Variants in LIMK1 observed in about 807,000 individuals in gnomAD.
The protein encoded by LIMK1 is LIM motif-containing protein kinase.
Under a neutral mutation model 77.6 loss-of-function variants are expected in LIMK1, and 21 were observed. The ratio of observed to expected loss-of-function variants is 0.27; its 90% confidence interval spans 0.19 to 0.39. LIMK1 has a LOEUF of 0.39. Ranked by LOEUF, LIMK1 falls within the 10% of genes least tolerant of loss-of-function variation. LIMK1 has a pLI of 1.00. For synonymous variants in LIMK1, 358 were observed against 370.0 expected, an observed-to-expected ratio of 0.97 and a Z score of 0.37; for missense variants, 696 against 901.6, an observed-to-expected ratio of 0.77 and a Z score of 2.92.
At chr7:74,112,694 A>G (rs1407857855) in intron 12 of LIMK1, among the ~76,000 whole-genome samples, 16 of 152,074 alleles carry the variant, frequency 1.1e-4, no homozygotes, top group African/African-American at 3.6e-4. Flanking sequence ...GCGTGGTGGC[A>G]GGTGCCTGTA....
At chr7:74,086,459 A>G (rs1554694084) in intron 2 of LIMK1, among the ~76,000 whole-genome samples, 1 of 152,106 alleles carries the variant, frequency 6.6e-6, no homozygotes, top group Non-Finnish European at 1.5e-5. Context: ...TCCCGGGCTA[A>G]AGTGATCCTC....
chr7:74,115,988 C>T, intron 13 of LIMK1, 30 bp downstream of exon 13: 2 of 1,599,692 alleles, frequency 1.3e-6, no homozygotes, highest in Non-Finnish European at 1.7e-6. Context: ...CCATCATGGC[C>T]CTCACGGGAA....
chr7:74,111,813 T>A, intron 11 of LIMK1, 106 bp downstream of exon 11: 1 of 1,433,964 alleles, frequency 7.0e-7, no homozygotes, highest in South Asian at 1.2e-5. Flanking sequence ...GATGGGAGAG[T>A]GGGAAGAATC....
At position 74,112,866 on chromosome 7, in the gene LIMK1, G is replaced by A. The variant is rs141136219; in HGVS notation, c.1410+868G>A. Among the ~76,000 whole-genome samples, 14 of 152,034 alleles carry A rather than the reference G, an allele frequency of 9.2e-5. No individual in the cohort carries two copies. The East Asian group carries it at 2.5e-3, about 27-fold the overall frequency. ...GGCTTTAGGTGGATATTTAAGCAGG[G>A]GACGGGCAGGCAAAGAGCCCAGTGT... On this transcript the variant is annotated intron_variant, in intron 12 of 15. Transcript: ENST00000336180.
rs143309207 is a variant in LIMK1, at chr7:74,107,264, A to G, written c.1065+71A>G. ...CTCCATCCTCCTTCCTTCCCAGTCT[A>G]TGGAAACACAGTGGAAGGGGTATCT... On this transcript the variant is annotated intron_variant, in intron 8 of 15. Transcript: ENST00000336180. 3.5e-4 allele frequency: 516 copies of G among 1,471,368 alleles called. 6 individuals are homozygous for G. In the East Asian group the frequency reaches 9.1e-3, roughly 26 times the overall value. 91.1% of individuals were successfully genotyped at this position (1,471,368 alleles called of 1,614,324 possible).
At position 74,108,938 on chromosome 7, in the gene LIMK1, G is replaced by A; in HGVS notation, c.1186G>A (p.Val396Met). 5.0e-6 allele frequency: 8 copies of A among 1,614,038 alleles called. No homozygotes were observed. The highest frequency in any genetic ancestry group is 2.2e-5 in the South Asian group (2 of 91,084). The change falls in exon 10 of 16, where the codon GTG becomes ATG. Residue 396 changes from valine to methionine, a missense_variant. Physicochemically the swap from Val to Met is conservative, Grantham distance 21. Around this residue, in one of 3 missense-constraint regions of LIMK1, gnomAD observed 438 missense variants for 602.3 expected, o/e 0.73. Coordinates refer to ENST00000336180, the MANE Select transcript of LIMK1 (RefSeq NM_002314.4). Reference sequence around the variant, plus strand: ...CATGCGATGCCTGGAACACCCCAACGTGCTCAAGTTCATCGGGGTGCTCTA... The same window carrying A: ...CATGCGATGCCTGGAACACCCCAACATGCTCAAGTTCATCGGGGTGCTCTA... ...KVMRCLEHPN[V>M]LKFIGVLYKD...
intron 2 of LIMK1, among the ~76,000 whole-genome samples, chr7:74,087,014 C>CT (rs1323600150): frequency 2.0e-5 from 3 of 152,140 alleles, no homozygotes; most frequent in African/African-American, 4.8e-5. Flanking sequence ...CCCAGTAGGA[C>CT]CATCCTGAGA....
rs554417441 is a variant in LIMK1, at chr7:74,121,554, C to G, written c.*253C>G. ...AACCTCTGTCTTGGCAGGGCTGTCCCCTCTTGCTTCTCCTTGCATGAGCTG... is the reference window on the plus strand; with the variant it reads ...AACCTCTGTCTTGGCAGGGCTGTCCGCTCTTGCTTCTCCTTGCATGAGCTG... On this transcript the variant is annotated 3_prime_UTR_variant, in exon 16 of 16. Transcript: ENST00000336180. 4.2e-6 allele frequency: 2 copies of G among 479,670 alleles called. No homozygotes were observed. The highest frequency in any genetic ancestry group is 7.5e-5 in the Admixed American group (2 of 26,722). The allele number at this position is 479,670 out of a possible 1,614,324, so 29.7% of individuals were successfully genotyped here.
chr7:74,087,470 C>A (rs1799155535), intron 2 of LIMK1, among the ~76,000 whole-genome samples: 1 of 152,160 alleles, frequency 6.6e-6, no homozygotes, highest in Admixed American at 6.6e-5. Flanking sequence ...AGTCACCAAA[C>A]AGCAAGGTTC....
Position 74,097,492 on chromosome 7 carries a change from A to G in LIMK1, c.401+303A>G, listed in dbSNP as rs576382134. Among the ~76,000 whole-genome samples the G allele has an allele frequency of 1.1e-4, 17 of 152,182 alleles. 1 individual carries two copies. Among genetic ancestry groups the G allele is most frequent in the Non-Finnish European group, 1.0e-4 (7 of 68,032 alleles). On this transcript the variant is annotated intron_variant, in intron 4 of 15. Coordinates refer to ENST00000336180, the MANE Select transcript of LIMK1 (RefSeq NM_002314.4). ...GGAGTTCAAGACCAGCCTGGCCAAC[A>G]TGGTGGAACCCCATCTCTATTAAAA...
At chr7:74,095,968 CTTT>C (rs869065672) in intron 2 of LIMK1, among the ~76,000 whole-genome samples, 4 of 127,226 alleles carry the variant, frequency 3.1e-5, no homozygotes, top group Admixed American at 7.7e-5. Context: ...TTTTCTTTTT[CTTT>C]TTTTTTTTTT....
At chr7:74,114,886 A>T (rs1799775634) in intron 12 of LIMK1, among the ~76,000 whole-genome samples, 1 of 147,986 alleles carries the variant, frequency 6.8e-6, no homozygotes, top group Non-Finnish European at 1.5e-5. Context: ...CTGCACTTCA[A>T]CCTGGGCAAT....
chr7:74,105,428 G>A (rs1330778953), intron 5 of LIMK1, among the ~76,000 whole-genome samples: 1 of 151,420 alleles, frequency 6.6e-6, no homozygotes, highest in South Asian at 2.1e-4. Flanking sequence ...TACGAGAATC[G>A]CTTGAACTCA....
chr7:74,086,721 T>C (rs911756260), intron 2 of LIMK1, among the ~76,000 whole-genome samples: 7 of 151,754 alleles, frequency 4.6e-5, no homozygotes, highest in African/African-American at 7.3e-5. Flanking sequence ...AGACCTCCAA[T>C]TGAGCCAGTG....
chr7:74,119,385 G>T lies in LIMK1; in HGVS notation c.1568-1198G>T, dbSNP rs185813329. ...GTAGAGATGGGGTTTCACCATGTTG[G>T]CCAGGCTGATCTTGAACTCCTGACC... On this transcript the variant is annotated intron_variant, in intron 13 of 15. Coordinates refer to ENST00000336180, the MANE Select transcript of LIMK1 (RefSeq NM_002314.4). Among the ~76,000 whole-genome samples, 830 of 141,652 alleles carry T rather than the reference G, an allele frequency of 5.9e-3. 8 individuals are homozygous for T. Among genetic ancestry groups the T allele is most frequent in the African/African-American group, 0.021 (809 of 38,134 alleles). The allele number at this position is 141,652 out of a possible 152,430, so 92.9% of individuals were successfully genotyped here.
At chr7:74,114,569 A>G (rs1387464494) in intron 12 of LIMK1, among the ~76,000 whole-genome samples, 4 of 150,024 alleles carry the variant, frequency 2.7e-5, no homozygotes, top group African/African-American at 9.9e-5. Context: ...AAAAAAAAAA[A>G]TCAAACCCGA....
At chr7:74,120,476 C>T in intron 13 of LIMK1, 107 bp from the exon 14 acceptor site, 1 of 1,214,606 alleles carries the variant, frequency 8.2e-7, no homozygotes, top group Non-Finnish European at 1.2e-6. Context: ...CCTCCTGGGC[C>T]TGGACCTCCC....
intron 13 of LIMK1, among the ~76,000 whole-genome samples, chr7:74,118,835 C>T (rs187001924): frequency 1.4e-4 from 21 of 152,324 alleles, no homozygotes; most frequent in Admixed American, 1.2e-3. Context: ...ACCTAGTTGG[C>T]ATTCAGTAAA....
rs1554699431 is a variant in LIMK1 at position 74,116,210 on chromosome 7, A to AC, written c.1567+252_1567+253insC. Reference sequence around the variant, plus strand: ...GTAGTTGGAGACCAGCCTAGCCAACATGGTGAAACCCCCATTCTTTACTAA... The same window carrying AC: ...GTAGTTGGAGACCAGCCTAGCCAACACTGGTGAAACCCCCATTCTTTACTAA... On this transcript the variant is annotated intron_variant, in intron 13 of 15. Transcript: ENST00000336180. Among the ~76,000 whole-genome samples, 8 of 152,316 alleles carry AC rather than the reference A, an allele frequency of 5.3e-5. No homozygotes were observed. The East Asian group carries it at 1.3e-3, about 26-fold the overall frequency.
Sources: gnomAD v4.1 joint callset for allele counts (sites outside exome capture counted in the v4.1 genomes callset) on GRCh38, gnomAD v4.1.1 for gene constraint, gnomAD v4.1.1 regional missense constraint, MANE v1.5 for transcripts, NCBI Gene and HGNC (gene_info 2026-07-23, HGNC 2026-07-21) for gene names.